The following SNX2 variants were observed in gnomAD, a reference collection of about 807,000 sequenced individuals.
SNX2 encodes the protein sorting nexin-2.
In SNX2, 25 loss-of-function variants were observed where a neutral mutation model predicts 69.9. The observed-to-expected ratio is 0.36, with a 90% CI of 0.26 to 0.50. The LOEUF (loss-of-function observed/expected upper bound fraction) is 0.50. Among genes scored for constraint, SNX2 ranks in the 20% least tolerant of loss-of-function variants. The pLI, the probability that SNX2 is intolerant of heterozygous loss-of-function variation, is 0.97. For missense variants in SNX2, 551 were observed against 613.3 expected, an observed-to-expected ratio of 0.90 and a Z score of 1.07; for synonymous variants, 229 against 200.4, an observed-to-expected ratio of 1.14 and a Z score of -1.20.
In SNX2 at chr5:122,803,043, T is replaced by A. The variant is rs540063059; in HGVS notation, c.502-429T>A. On this transcript the variant is annotated intron_variant, in intron 5 of 14. Transcript: ENST00000379516. ...TGGTGTCAAGCTTTGTTGCAAGCCC[T>A]GGGGTATAGTAGTAAACAATACAGA... Among the ~76,000 whole-genome samples, 10 of 152,296 alleles carry A rather than the reference T, an allele frequency of 6.6e-5. 1 individual carries two copies. The South Asian group carries it at 2.1e-3, about 32-fold the overall frequency.
chr5:122,829,780 AC>A lies in SNX2; in HGVS notation c.*133del. ...GAATTACATGTGGTTTTATATACAC[AC>A]ACACACACACACACACACACACACA... On this transcript the variant is annotated 3_prime_UTR_variant, in exon 15 of 15. Transcript: ENST00000379516. 3 of 156,396 alleles carry A rather than the reference AC, an allele frequency of 1.9e-5. No individual in the cohort carries two copies. Among genetic ancestry groups the A allele is most frequent in the Non-Finnish European group, 1.9e-5 (2 of 104,498 alleles). 9.7% of individuals were successfully genotyped at this position (156,396 alleles called of 1,614,324 possible). A position where few individuals can be genotyped will look rare whatever the true frequency, so the allele number is the denominator to read the frequency against.
chr5:122,803,078 C>T (rs1320986701), intron 5 of SNX2, among the ~76,000 whole-genome samples: 7 of 152,142 alleles, frequency 4.6e-5, no homozygotes, highest in Admixed American at 4.6e-4. Context: ...ACAAGGGTGG[C>T]ATCTTATAGA....
chr5:122,780,838 G>T (rs1752965524), intron 1 of SNX2, among the ~76,000 whole-genome samples: 1 of 152,082 alleles, frequency 6.6e-6, no homozygotes, highest in Non-Finnish European at 1.5e-5. Flanking sequence ...AGAGTGCTGG[G>T]ATTACAGGCC....
intron 1 of SNX2, among the ~76,000 whole-genome samples, chr5:122,782,370 C>T (rs959841312): frequency 6.6e-6 from 1 of 151,858 alleles, no homozygotes; most frequent in Admixed American, 6.6e-5. Flanking sequence ...TCCTGAATAG[C>T]TGGGATTACA....
intron 2 of SNX2, among the ~76,000 whole-genome samples, chr5:122,798,502 A>T (rs949036548): frequency 6.6e-6 from 1 of 152,222 alleles, no homozygotes; most frequent in Non-Finnish European, 1.5e-5. Flanking sequence ...TATTACTGCT[A>T]TACCTTGAGG....
intron 14 of SNX2, among the ~76,000 whole-genome samples, chr5:122,828,973 T>C (rs920290888): frequency 7.2e-5 from 11 of 151,744 alleles, no homozygotes; most frequent in African/African-American, 2.7e-4. Flanking sequence ...ACAAAAAAAT[T>C]AGCTGGGCGT....
rs1753352763 is a variant in SNX2 at position 122,795,330 on chromosome 5, G to T, written c.173G>T (p.Gly58Val). The change falls in exon 2 of 15, where the codon GGC becomes GTC. Residue 58 changes from glycine to valine, a missense_variant. By Grantham distance (109) the Gly-to-Val change is moderately radical. Around this residue, in one of 2 missense-constraint regions of SNX2, gnomAD observed 191 missense variants for 162.9 expected, o/e 1.17. Coordinates refer to ENST00000379516, the MANE Select transcript of SNX2 (RefSeq NM_003100.4). ...GAAGATATTAGTGCAAACTCCAATG[G>T]CCCAAAACCCACAGAAGTTGTATTA... ...PAEDISANSN[G>V]PKPTEVVLDD... The T allele has an allele frequency of 6.2e-7, 1 of 1,613,810 alleles. No homozygotes were observed. Among genetic ancestry groups the T allele is most frequent in the Non-Finnish European group, 8.5e-7 (1 of 1,179,842 alleles).
chr5:122,819,879 G>T (rs902443877), intron 11 of SNX2, among the ~76,000 whole-genome samples: 25 of 152,098 alleles, frequency 1.6e-4, no homozygotes, highest in African/African-American at 5.8e-4. Flanking sequence ...TTTATTGATG[G>T]TTCTGTTCTT....
chr5:122,806,142 G>GCGCGCGCGCGCACACACACACACACA, intron 6 of SNX2, among the ~76,000 whole-genome samples: 12 of 130,582 alleles, frequency 9.2e-5, no homozygotes, highest in African/African-American at 1.5e-4. Context: ...ACACGCGCGC[G>GCGCGCGCGCGCACACACACACACACA]CACACACACA....
In SNX2 at chr5:122,793,786, A is replaced by ATGCG. The variant is rs879834060; in HGVS notation, c.109-1480_109-1479insTGCG. On this transcript the variant is annotated intron_variant, in intron 1 of 14. Coordinates refer to ENST00000379516, the MANE Select transcript of SNX2 (RefSeq NM_003100.4). The stretch of plus-strand genomic sequence containing the variant: ...AAATTAGCTGGGCGTGATGGCAGAC[A>ATGCG]CCTGTAATCCCAGCTACTCAGGAGG... Among the ~76,000 whole-genome samples the ATGCG allele has an allele frequency of 8.3e-4, 126 of 151,484 alleles. 1 individual carries two copies. Among genetic ancestry groups the ATGCG allele is most frequent in the Non-Finnish European group, 1.3e-3 (91 of 67,880 alleles).
chr5:122,829,427 A>T (rs1754230385), intron 14 of SNX2, among the ~76,000 whole-genome samples, 171 bp from the exon 15 acceptor site: 1 of 149,744 alleles, frequency 6.7e-6, no homozygotes, highest in Non-Finnish European at 1.5e-5. Context: ...CTAGTCTTGA[A>T]CTCCTGACAT....
At chr5:122,792,793 A>G (rs1052439702) in intron 1 of SNX2, among the ~76,000 whole-genome samples, 3 of 152,220 alleles carry the variant, frequency 2.0e-5, no homozygotes, top group African/African-American at 7.2e-5. Context: ...GCAAATCAAT[A>G]GGAACAATAG....
At chr5:122,819,288 T>TTAG (rs1375372676) in intron 11 of SNX2, among the ~76,000 whole-genome samples, 2 of 152,198 alleles carry the variant, frequency 1.3e-5, no homozygotes, top group Non-Finnish European at 2.9e-5. Context: ...CTTATACAAG[T>TTAG]TTGGAACTAA....
chr5:122,785,713 C>T (rs1320607115), intron 1 of SNX2, among the ~76,000 whole-genome samples: 1 of 152,064 alleles, frequency 6.6e-6, no homozygotes, highest in Non-Finnish European at 1.5e-5. Context: ...TTACTGATTT[C>T]TGGTTTCATT....
chr5:122,813,274 T>G (rs1581641185), intron 7 of SNX2, among the ~76,000 whole-genome samples: 1 of 152,248 alleles, frequency 6.6e-6, no homozygotes, highest in Admixed American at 6.5e-5. Context: ...TTCAACATTA[T>G]GTAAACATAT....
At chr5:122,812,056 TACTG>T (rs1358191834) in intron 7 of SNX2, among the ~76,000 whole-genome samples, 2 of 152,202 alleles carry the variant, frequency 1.3e-5, no homozygotes, top group Non-Finnish European at 2.9e-5. Flanking sequence ...CTCACCAGTC[TACTG>T]ACTGAGTCCA....
At chr5:122,806,729 T>A (rs1403479442) in intron 6 of SNX2, among the ~76,000 whole-genome samples, 2 of 152,156 alleles carry the variant, frequency 1.3e-5, no homozygotes, top group African/African-American at 4.8e-5. Context: ...AGATTTTTTT[T>A]CAGGGAAATA....
Position 122,818,825 on chromosome 5 carries a change from A to C in SNX2, c.1014A>C (p.Ser338=). The C allele has an allele frequency of 6.2e-7, 1 of 1,611,412 alleles. No individual in the cohort carries two copies. Among genetic ancestry groups the C allele is most frequent in the African/African-American group, 1.3e-5 (1 of 74,994 alleles). Reference sequence around the variant, plus strand: ...CTTTTTTTTAAATTTCAGAACTTTCAGCCAACACAGCTGCCTTTGCTAAAA... The same window carrying C: ...CTTTTTTTTAAATTTCAGAACTTTCCGCCAACACAGCTGCCTTTGCTAAAA... ...EALVCHRKEL[S]ANTAAFAKSA... The change falls in exon 11 of 15, where the codon TCA becomes TCC. Residue 338 remains serine (S), a synonymous_variant. Coordinates refer to ENST00000379516, the MANE Select transcript of SNX2 (RefSeq NM_003100.4).
intron 7 of SNX2, among the ~76,000 whole-genome samples, chr5:122,809,866 T>G (rs1753730639): frequency 6.6e-6 from 1 of 152,206 alleles, no homozygotes; most frequent in Admixed American, 6.5e-5. Context: ...GGATTATGTC[T>G]GAGAATCTGC....
Sources: gnomAD v4.1 joint callset for allele counts (sites outside exome capture counted in the v4.1 genomes callset) on GRCh38, gnomAD v4.1.1 for gene constraint, gnomAD v4.1.1 regional missense constraint, MANE v1.5 for transcripts, NCBI Gene and HGNC (gene_info 2026-07-23, HGNC 2026-07-21) for gene names.